The following SLC30A7 variants were observed in gnomAD, a reference collection of about 807,000 sequenced individuals.
SLC30A7 encodes solute carrier family 30 member 7, also known as zinc transporter 7.
A neutral mutation model predicts 46.0 loss-of-function variants in SLC30A7; 35 were observed. The ratio of observed to expected loss-of-function variants is 0.76; its 90% confidence interval spans 0.58 to 1.01. The LOEUF is 1.01. Ranked by LOEUF, SLC30A7 falls within the 50% of genes least tolerant of loss-of-function variation. The pLI is 0.00. For synonymous variants in SLC30A7, 147 were observed against 157.8 expected, an observed-to-expected ratio of 0.93 and a Z score of 0.51; for missense variants, 464 against 451.1, an observed-to-expected ratio of 1.03 and a Z score of -0.26.
At chr1:100,908,547 C>T (rs1198728619) in intron 3 of SLC30A7, among the ~76,000 whole-genome samples, 1 of 151,844 alleles carries the variant, frequency 6.6e-6, no homozygotes, top group Non-Finnish European at 1.5e-5. Context: ...AAAAAGTGAG[C>T]CAAAAAATAC....
intron 8 of SLC30A7, among the ~76,000 whole-genome samples, chr1:100,944,043 C>T (rs1273167341): frequency 6.6e-6 from 1 of 152,092 alleles, no homozygotes; most frequent in Non-Finnish European, 1.5e-5. Context: ...TTTGAATTTT[C>T]ATTTTATTTT....
chr1:100,986,238 C>T (rs963862321), downstream of SLC30A7, among the ~76,000 whole-genome samples: 1 of 151,986 alleles, frequency 6.6e-6, no homozygotes, highest in Non-Finnish European at 1.5e-5. Context: ...GGAGAAACCC[C>T]GCCTCTTCTA....
chr1:100,920,002 T>C (rs1652839209), intron 7 of SLC30A7, among the ~76,000 whole-genome samples: 1 of 152,098 alleles, frequency 6.6e-6, no homozygotes, highest in African/African-American at 2.4e-5. Context: ...TTATGTTTCT[T>C]TCTTAGTGAT....
At chr1:100,930,931 C>T (rs1653628074) in intron 8 of SLC30A7, among the ~76,000 whole-genome samples, 1 of 152,072 alleles carries the variant, frequency 6.6e-6, no homozygotes, top group Admixed American at 6.5e-5. Flanking sequence ...TACTATAAAG[C>T]CTCAATTTGT....
chr1:100,907,665 CTCT>C (rs1651767782), intron 3 of SLC30A7, among the ~76,000 whole-genome samples: 1 of 152,072 alleles, frequency 6.6e-6, no homozygotes, highest in Non-Finnish European at 1.5e-5. Flanking sequence ...TATTCCCTCT[CTCT>C]TCTGCTTTCT....
In SLC30A7 at chr1:100,958,800, C is replaced by T. The variant is rs1025948673; in HGVS notation, c.843-3028C>T. On this transcript the variant is annotated intron_variant, in intron 8 of 10. Coordinates refer to ENST00000357650, the MANE Select transcript of SLC30A7 (RefSeq NM_133496.5). ...TTTACAAACATAAATAAGATAATTCCTACCTTAAAGCAGCTTTCTGGTTAG... is the reference window on the plus strand; with the variant it reads ...TTTACAAACATAAATAAGATAATTCTTACCTTAAAGCAGCTTTCTGGTTAG... 2.8e-4 allele frequency among the ~76,000 whole-genome samples: 42 copies of T among 152,146 alleles called. 1 individual carries two copies. The highest frequency in any genetic ancestry group is 8.9e-4 in the African/African-American group (37 of 41,410).
chr1:100,991,256 A>C, the SLC30A7 span, among the ~76,000 whole-genome samples: 1 of 152,224 alleles, frequency 6.6e-6, no homozygotes, highest in African/African-American at 2.4e-5. Flanking sequence ...CCTTAGCTTT[A>C]GTATTATTCA....
intron 6 of SLC30A7, among the ~76,000 whole-genome samples, chr1:100,915,236 T>TCTTTCTTTCTTTCTTTCTTC: frequency 6.8e-6 from 1 of 146,368 alleles, no homozygotes; most frequent in African/African-American, 2.5e-5. Context: ...TTTCTTTCTT[T>TCTTTCTTTCTTTCTTTCTTC]CTTTCTTTCT....
chr1:100,988,205 T>C, the SLC30A7 span, among the ~76,000 whole-genome samples: 1 of 152,190 alleles, frequency 6.6e-6, no homozygotes, highest in South Asian at 2.1e-4. Context: ...TCAGTTCTTC[T>C]AGCGGCCTTT....
intron 8 of SLC30A7, among the ~76,000 whole-genome samples, chr1:100,951,867 CTT>C (rs1312922997): frequency 6.6e-6 from 1 of 152,150 alleles, no homozygotes; most frequent in Admixed American, 6.5e-5. Flanking sequence ...ACAAAAGAGA[CTT>C]TTCAGATGTA....
chr1:100,972,295 T>A (rs1417202601), intron 10 of SLC30A7: 1 of 356,186 alleles, frequency 2.8e-6, no homozygotes, highest in South Asian at 2.4e-5. Flanking sequence ...AAGAGGAAAA[T>A]GAGAATCTGT....
intron 2 of SLC30A7, among the ~76,000 whole-genome samples, chr1:100,897,681 T>TA (rs1172022547): frequency 3.3e-5 from 5 of 152,234 alleles, no homozygotes; most frequent in African/African-American, 7.2e-5. Flanking sequence ...TTTTGTGACA[T>TA]GTATACTTTT....
chr1:100,923,589 G>A lies in SLC30A7; in HGVS notation c.842+1748G>A, dbSNP rs116239105. The stretch of plus-strand genomic sequence containing the variant: ...GGCCAGGAGTATAAGACCAGCCTGG[G>A]CAACATGGTGAAACCATGTTTCTAC... On this transcript the variant is annotated intron_variant, in intron 8 of 10. Transcript: ENST00000357650. Among the ~76,000 whole-genome samples the A allele has an allele frequency of 6.6e-3, 998 of 152,148 alleles. 18 individuals carry two copies. Among genetic ancestry groups the A allele is most frequent in the African/African-American group, 0.021 (869 of 41,518 alleles).
In SLC30A7 at chr1:100,976,867, C is replaced by T. The variant is rs1460778348; in HGVS notation, c.*2010C>T. 6.6e-6 allele frequency: 1 copy of T among 152,490 alleles called. No homozygotes were observed. The highest frequency in any genetic ancestry group is 1.5e-5 in the Non-Finnish European group (1 of 68,018). The allele number at this position is 152,490 out of a possible 1,614,324, so 9.4% of individuals were successfully genotyped here. A position where few individuals can be genotyped will look rare whatever the true frequency, so the allele number is the denominator to read the frequency against. ...CGCAGGCAAAGTGGCATTTTCTAAA[C>T]ATGTTTGCTTACTGCCAGGTGGTTT... On this transcript the variant is annotated 3_prime_UTR_variant, in exon 11 of 11. Coordinates refer to ENST00000357650, the MANE Select transcript of SLC30A7 (RefSeq NM_133496.5).
At chr1:100,896,504 A>G (rs762331035) in intron 1 of SLC30A7, 66 bp from the exon 2 acceptor site, 3 of 1,479,006 alleles carry the variant, frequency 2.0e-6, no homozygotes, top group Non-Finnish European at 2.8e-6. Flanking sequence ...TGAAGAGGGT[A>G]CCCAGCCTCG....
At chr1:100,983,330 C>T (rs1322721303), downstream of SLC30A7, among the ~76,000 whole-genome samples, 1 of 134,528 alleles carries the variant, frequency 7.4e-6, no homozygotes, top group East Asian at 2.4e-4. Flanking sequence ...TAATGGGATT[C>T]TAGTTCATTA....
intron 8 of SLC30A7, among the ~76,000 whole-genome samples, chr1:100,953,592 C>T (rs895021069): frequency 6.6e-6 from 1 of 152,164 alleles, no homozygotes; most frequent in African/African-American, 2.4e-5. Context: ...CCTTACCTAA[C>T]CGCTGCTTTC....
chr1:100,932,459 G>A (rs879803477), intron 8 of SLC30A7, among the ~76,000 whole-genome samples: 6 of 151,970 alleles, frequency 3.9e-5, no homozygotes, highest in Admixed American at 3.3e-4. Flanking sequence ...TGGCCTCTTT[G>A]TGGTTTGCAA....
downstream of SLC30A7, among the ~76,000 whole-genome samples, chr1:100,984,033 A>G (rs1173114241): frequency 6.6e-6 from 1 of 152,190 alleles, no homozygotes; most frequent in Non-Finnish European, 1.5e-5. Context: ...AGACCTCAGA[A>G]GAAGGCAAAG....
Sources: allele counts gnomAD v4.1 joint callset (sites outside exome capture counted in the v4.1 genomes callset), GRCh38; gene constraint gnomAD v4.1.1; transcripts MANE v1.5; gene names NCBI Gene and HGNC (gene_info 2026-07-23, HGNC 2026-07-21).